SH3RF1: variants seen among roughly 807,000 people sequenced by gnomAD.
The protein encoded by SH3RF1 is SH3 domain containing ring finger 1, also known as E3 ubiquitin-protein ligase SH3RF1.
A neutral mutation model predicts 74.0 loss-of-function variants in SH3RF1; 32 were observed. The ratio of observed to expected loss-of-function variants is 0.43; its 90% confidence interval spans 0.33 to 0.58. The LOEUF (loss-of-function observed/expected upper bound fraction) is 0.58, where lower values mean the gene tolerates loss of function less well. SH3RF1 is among the 20% of genes least tolerant of loss of function. The probability of loss-of-function intolerance (pLI) is 0.05; values close to 1 mark genes in which losing one functional copy is unlikely to be tolerated. For missense variants in SH3RF1, 954 were observed against 1,130.9 expected (o/e 0.84, Z 2.24); for synonymous variants, 396 against 439.6 (o/e 0.90, Z 1.24).
chr4:169,147,189 T>TG (rs1733906882), intron 4 of SH3RF1, among the ~76,000 whole-genome samples: 1 of 152,226 alleles, frequency 6.6e-6, no homozygotes, highest in Non-Finnish European at 1.5e-5. Flanking sequence ...ATTTGTTCAC[T>TG]GAATGCACAC....
intron 2 of SH3RF1, among the ~76,000 whole-genome samples, chr4:169,247,824 T>C (rs1731028961): frequency 6.6e-6 from 1 of 151,832 alleles, no homozygotes; most frequent in African/African-American, 2.4e-5. Flanking sequence ...CATCAAAAAG[T>C]GGATGAAGGA....
At chr4:169,167,613 G>A (rs1734268816) in intron 2 of SH3RF1, among the ~76,000 whole-genome samples, 1 of 151,792 alleles carries the variant, frequency 6.6e-6, no homozygotes, top group African/African-American at 2.4e-5. Flanking sequence ...ACACATGTGA[G>A]TAAAAAAAAA....
At chr4:169,124,912 G>A (rs2068) in intron 6 of SH3RF1, among the ~76,000 whole-genome samples, 4 of 152,152 alleles carry the variant, frequency 2.6e-5, no homozygotes, top group East Asian at 1.9e-4. Context: ...TCATTCACCC[G>A]GAGGTGACCT....
chr4:169,129,292 C>T (rs1733574087), intron 6 of SH3RF1, among the ~76,000 whole-genome samples: 1 of 152,210 alleles, frequency 6.6e-6, no homozygotes, highest in Non-Finnish European at 1.5e-5. Flanking sequence ...ACTGCTAGTT[C>T]CTTGCTTATA....
At chr4:169,197,689 T>C (rs1211198372) in intron 2 of SH3RF1, among the ~76,000 whole-genome samples, 3 of 150,448 alleles carry the variant, frequency 2.0e-5, no homozygotes, top group African/African-American at 7.3e-5. Flanking sequence ...ATAAAACAAA[T>C]TGTGTACAGA....
intron 4 of SH3RF1, among the ~76,000 whole-genome samples, chr4:169,139,816 C>T (rs191574785): frequency 6.6e-6 from 1 of 152,284 alleles, no homozygotes; most frequent in East Asian, 1.9e-4. Context: ...AACTTTGGGG[C>T]CTTAAGGGAG....
At chr4:169,178,867 A>G (rs949307630) in intron 2 of SH3RF1, among the ~76,000 whole-genome samples, 12 of 152,236 alleles carry the variant, frequency 7.9e-5, no homozygotes, top group Non-Finnish European at 1.6e-4. Flanking sequence ...ATTACTTTGT[A>G]GTATGGAAGA....
At chr4:169,217,669 G>A (rs1026535097) in intron 2 of SH3RF1, among the ~76,000 whole-genome samples, 1 of 152,144 alleles carries the variant, frequency 6.6e-6, no homozygotes, top group Non-Finnish European at 1.5e-5. Flanking sequence ...CAGATATGAG[G>A]AATAAAACAT....
chr4:169,165,779 A>G (rs1430142690), intron 2 of SH3RF1, among the ~76,000 whole-genome samples: 1 of 152,206 alleles, frequency 6.6e-6, no homozygotes, highest in African/African-American at 2.4e-5. Context: ...TCATAGTTTC[A>G]GAATTAAAGC....
intron 2 of SH3RF1, among the ~76,000 whole-genome samples, chr4:169,183,754 A>AC (rs945578450): frequency 4.6e-5 from 7 of 151,216 alleles, no homozygotes; most frequent in South Asian, 2.1e-4. Context: ...TCTCTTTAAA[A>AC]AAAAAAAAAC....
chr4:169,156,583 G>A lies in SH3RF1; in HGVS notation c.490C>T (p.Arg164Ter), dbSNP rs1734059307. 6.2e-7 allele frequency: 1 copy of A among 1,613,876 alleles called. No individual in the cohort carries two copies. The highest frequency in any genetic ancestry group is 8.5e-7 in the Non-Finnish European group (1 of 1,179,940). The stretch of plus-strand genomic sequence containing the variant: ...TACCAATTTTCATCCACTTGTCTTC[G>A]CAAAATGATGATGTCACCTTTGCTG... The part of the protein sequence containing the change: ...KFSKGDIIIL[R>*]RQVDENWYHG... The change falls in exon 3 of 12, where the codon CGA becomes TGA. Residue 164 changes from arginine to a stop codon, truncating the protein, a stop_gained. Transcript: ENST00000284637. LOFTEE classifies it high-confidence loss of function.
At chr4:169,216,107 TAGTC>T (rs1730458131) in intron 2 of SH3RF1, among the ~76,000 whole-genome samples, 1 of 152,178 alleles carries the variant, frequency 6.6e-6, no homozygotes, top group Non-Finnish European at 1.5e-5. Context: ...CCCAGCCTAA[TAGTC>T]AGGTAATGTA....
chr4:169,252,550 C>T (rs35576015), intron 2 of SH3RF1, among the ~76,000 whole-genome samples: 2 of 152,248 alleles, frequency 1.3e-5, no homozygotes, highest in African/African-American at 4.8e-5. Flanking sequence ...GCAACTCTGC[C>T]TGATTGCCAG....
chr4:169,190,500 C>A (rs1395392158), intron 2 of SH3RF1, among the ~76,000 whole-genome samples: 1 of 151,812 alleles, frequency 6.6e-6, no homozygotes, highest in Non-Finnish European at 1.5e-5. Flanking sequence ...TAGAGAGATA[C>A]AACCCTCCTA....
intron 2 of SH3RF1, among the ~76,000 whole-genome samples, chr4:169,231,147 T>C (rs879415376): frequency 2.0e-5 from 3 of 152,244 alleles, no homozygotes; most frequent in African/African-American, 4.8e-5. Flanking sequence ...GGTTAAAGTA[T>C]ACAAGGCACT....
intron 2 of SH3RF1, among the ~76,000 whole-genome samples, chr4:169,198,805 C>T (rs1211540653): frequency 6.6e-6 from 1 of 152,082 alleles, no homozygotes; most frequent in Non-Finnish European, 1.5e-5. Flanking sequence ...AGGCTGAAAA[C>T]AGACTTCAAC....
At chr4:169,138,200 A>G (rs1733730101) in intron 4 of SH3RF1, among the ~76,000 whole-genome samples, 1 of 152,214 alleles carries the variant, frequency 6.6e-6, no homozygotes, top group Non-Finnish European at 1.5e-5. Context: ...GAGAATAAAA[A>G]GCCCAAATGA....
At chr4:169,197,637 A>AAAAAAT (rs1477618723) in intron 2 of SH3RF1, among the ~76,000 whole-genome samples, 2 of 151,756 alleles carry the variant, frequency 1.3e-5, no homozygotes, top group Admixed American at 1.3e-4. Flanking sequence ...AAAAAAAAAA[A>AAAAAAT]AAGCCCACCT....
At chr4:169,185,422 C>T (rs1007751973) in intron 2 of SH3RF1, among the ~76,000 whole-genome samples, 6 of 152,078 alleles carry the variant, frequency 3.9e-5, no homozygotes, top group Non-Finnish European at 8.8e-5. Flanking sequence ...TCTTTAGCTG[C>T]CCAGAAAAAA....
Sources: allele counts gnomAD v4.1 joint callset (sites outside exome capture counted in the v4.1 genomes callset), GRCh38; gene constraint gnomAD v4.1.1; transcripts MANE v1.5; gene names NCBI Gene and HGNC (gene_info 2026-07-23, HGNC 2026-07-21).